Variants in EXT2 observed in about 807,000 individuals in gnomAD.
The protein encoded by EXT2 is exostosin-2.
EXT2 carries 53 observed loss-of-function variants against 81.6 expected under a neutral mutation model. That is an observed-to-expected ratio of 0.65 (90% confidence interval 0.52 to 0.82). The LOEUF (loss-of-function observed/expected upper bound fraction) is 0.82. Ranked by LOEUF, EXT2 falls within the 40% of genes least tolerant of loss-of-function variation. The pLI is 0.00. For synonymous variants in EXT2, 320 were observed against 340.0 expected (o/e 0.94, Z 0.65); for missense variants, 774 against 910.2 (o/e 0.85, Z 1.93).
At chr11:44,103,718 G>T (rs752870173) in intron 1 of EXT2, 1 of 409,574 alleles carries the variant, frequency 2.4e-6, no homozygotes, top group Admixed American at 3.8e-5. Flanking sequence ...GCTACTCAGA[G>T]TTGCTGTTTC....
chr11:44,142,476 G>A (rs1954659157), intron 7 of EXT2, among the ~76,000 whole-genome samples: 1 of 152,160 alleles, frequency 6.6e-6, no homozygotes, highest in Non-Finnish European at 1.5e-5. Context: ...ATTTTGATAA[G>A]GAGTTTAATA....
chr11:44,189,732 A>T (rs893146553), intron 8 of EXT2, among the ~76,000 whole-genome samples: 3 of 152,256 alleles, frequency 2.0e-5, no homozygotes, highest in African/African-American at 7.2e-5. Flanking sequence ...TTTGAGCAGG[A>T]ACACAAATCC....
chr11:44,216,127 C>T (rs6485504), intron 10 of EXT2, among the ~76,000 whole-genome samples: 37,191 of 151,624 alleles, frequency 0.25, 5,495 homozygotes, highest in Admixed American at 0.41. Flanking sequence ...CCACCCGCCT[C>T]GGTCTCCCAA....
chr11:44,136,935 C>T (rs1400474144), intron 7 of EXT2, among the ~76,000 whole-genome samples: 1 of 151,874 alleles, frequency 6.6e-6, no homozygotes, highest in Non-Finnish European at 1.5e-5. Context: ...ATGGGAGAGC[C>T]TTGGTAATGG....
In EXT2 at chr11:44,251,536, G is replaced by A. The variant is rs563625428; in HGVS notation, c.*7249G>A. Among the ~76,000 whole-genome samples, 3 of 152,190 alleles carry A rather than the reference G, an allele frequency of 2.0e-5. No homozygotes were observed. In the East Asian group the frequency reaches 5.8e-4, roughly 29 times the overall value. The stretch of plus-strand genomic sequence containing the variant: ...GACACGACATTGTTTCACACCTTGG[G>A]CTGTGACTATTTACTTCTCGGTACA... On this transcript the variant is annotated 3_prime_UTR_variant, in exon 14 of 14. Coordinates refer to ENST00000533608, the MANE Select transcript of EXT2 (RefSeq NM_207122.2).
intron 8 of EXT2, among the ~76,000 whole-genome samples, chr11:44,175,562 C>G (rs1038995468): frequency 9.2e-5 from 14 of 152,158 alleles, no homozygotes; most frequent in Admixed American, 1.3e-4. Flanking sequence ...GCTTCAGCAG[C>G]TGGCTGGTAA....
intron 1 of EXT2, chr11:44,096,411 C>A (rs1309901911): frequency 1.5e-6 from 2 of 1,321,292 alleles, no homozygotes; most frequent in Non-Finnish European, 2.1e-6. Context: ...AACTAGATGG[C>A]CGGGGGCGTG....
chr11:44,155,519 C>G (rs1156755075), intron 7 of EXT2, among the ~76,000 whole-genome samples: 1 of 151,650 alleles, frequency 6.6e-6, no homozygotes, highest in African/African-American at 2.4e-5. Context: ...TTAAGGTTAC[C>G]ATGAGGCTTA....
intron 8 of EXT2, among the ~76,000 whole-genome samples, chr11:44,177,265 A>G (rs1955171371): frequency 6.6e-6 from 1 of 152,196 alleles, no homozygotes. Context: ...AAGGCTGCCT[A>G]TATTTTTATG....
rs945058783 is a variant in EXT2 at position 44,234,244 on chromosome 11, G to A, written c.1935+1G>A. 1.2e-6 allele frequency: 2 copies of A among 1,613,838 alleles called. No homozygotes were observed. Among genetic ancestry groups the A allele is most frequent in the Admixed American group, 1.7e-5 (1 of 60,002 alleles). ...CGTCACGGGAAAAGCAGTTATCAAG[G>A]TAGGAGGCTCTGCCACTCACTTGCT... On this transcript the variant is annotated splice_donor_variant, in intron 12 of 13. Coordinates refer to ENST00000533608, the MANE Select transcript of EXT2 (RefSeq NM_207122.2). LOFTEE classifies it high-confidence loss of function.
At chr11:44,217,416 T>C (rs1955732743) in intron 10 of EXT2, among the ~76,000 whole-genome samples, 1 of 152,144 alleles carries the variant, frequency 6.6e-6, no homozygotes, top group African/African-American at 2.4e-5. Flanking sequence ...TATTTCCTAT[T>C]GGAAGGCAAA....
In EXT2 at chr11:44,249,715, G is replaced by C. The variant is rs1413688232; in HGVS notation, c.*5428G>C. On this transcript the variant is annotated 3_prime_UTR_variant, in exon 14 of 14. Transcript: ENST00000533608. ...GACCAACCAACTAGTTACTGATCCA[G>C]ATGAGGGAAGAGAACATTTATTCAG... 6.6e-6 allele frequency among the ~76,000 whole-genome samples: 1 copy of C among 152,214 alleles called. No individual in the cohort carries two copies. The highest frequency in any genetic ancestry group is 1.5e-5 in the Non-Finnish European group (1 of 68,032).
intron 7 of EXT2, among the ~76,000 whole-genome samples, chr11:44,146,364 T>C (rs1477044708): frequency 6.6e-6 from 1 of 152,228 alleles, no homozygotes; most frequent in African/African-American, 2.4e-5. Flanking sequence ...AGTATAAGAC[T>C]CAAAGTCAGT....
chr11:44,177,250 A>G (rs1202811627), intron 8 of EXT2, among the ~76,000 whole-genome samples: 1 of 152,240 alleles, frequency 6.6e-6, no homozygotes, highest in South Asian at 2.1e-4. Flanking sequence ...TTAGCTGTTC[A>G]TGTTAAGGCT....
chr11:44,114,090 A>G (rs1021623235), intron 3 of EXT2, 95 bp from the exon 4 acceptor site: 6 of 1,111,204 alleles, frequency 5.4e-6, no homozygotes, highest in Non-Finnish European at 8.3e-6. Context: ...GCTGGTTTTG[A>G]TAATAAAGAC....
At chr11:44,120,098 A>G (rs1235114103) in intron 4 of EXT2, among the ~76,000 whole-genome samples, 1 of 152,230 alleles carries the variant, frequency 6.6e-6, no homozygotes, top group Admixed American at 6.5e-5. Flanking sequence ...ACCACTCCAA[A>G]CAGTAAAACT....
At chr11:44,153,329 A>G (rs1954817100) in intron 7 of EXT2, among the ~76,000 whole-genome samples, 2 of 152,198 alleles carry the variant, frequency 1.3e-5, no homozygotes, top group Admixed American at 6.5e-5. Flanking sequence ...TTGCTAGTGT[A>G]TATGAAAGGG....
chr11:44,242,369 A>G (rs886448584), intron 13 of EXT2, among the ~76,000 whole-genome samples: 2 of 152,194 alleles, frequency 1.3e-5, no homozygotes, highest in African/African-American at 4.8e-5. Flanking sequence ...GTTAAAGTTC[A>G]TCCATCTTTT....
intron 1 of EXT2, chr11:44,096,075 C>T (rs1953890418): frequency 7.3e-6 from 5 of 682,590 alleles, no homozygotes; most frequent in South Asian, 4.7e-5. Context: ...TTCTCCTTCT[C>T]CTCCGGCGGC....
Sources: gnomAD v4.1 joint callset for allele counts (sites outside exome capture counted in the v4.1 genomes callset) on GRCh38, gnomAD v4.1.1 for gene constraint, MANE v1.5 for transcripts, NCBI Gene and HGNC (gene_info 2026-07-23, HGNC 2026-07-21) for gene names.